KDM7A: variants seen among roughly 807,000 people sequenced by gnomAD.
KDM7A encodes lysine demethylase 7A, also known as lysine-specific demethylase 7A.
KDM7A carries 28 observed loss-of-function variants against 114.8 expected under a neutral mutation model. The observed-to-expected ratio is 0.24, with a 90% CI of 0.18 to 0.33. The LOEUF is 0.33. Among genes scored for constraint, KDM7A ranks in the 10% least tolerant of loss-of-function variants. The probability of loss-of-function intolerance (pLI) is 1.00; values close to 1 mark genes in which losing one functional copy is unlikely to be tolerated. For missense variants in KDM7A, 942 were observed against 1,142.5 expected (o/e 0.82, Z 2.53); for synonymous variants, 423 against 397.8 (o/e 1.06, Z -0.75).
rs1180013496 is a variant in KDM7A at position 140,127,583 on chromosome 7, C to T, written c.560G>A (p.Gly187Asp). The T allele has an allele frequency of 9.9e-6, 16 of 1,612,924 alleles. No homozygotes were observed. Among genetic ancestry groups the T allele is most frequent in the African/African-American group, 1.3e-5 (1 of 74,878 alleles). Residue 187 changes from glycine (G) to aspartate (D), a missense_variant and splice_region_variant, in exon 5 of 20, where the codon GGT becomes GAT. Physicochemically the swap from Gly to Asp is moderately conservative, Grantham distance 94 (BLOSUM62 -1). This residue lies in a region of KDM7A where 318 missense variants were observed against 453.1 expected (regional missense o/e 0.70). Transcript: ENST00000397560. ...AATGACATCTATCACTTTGTCACCA[C>T]CTGCAGAGAAAAATTACAGTCTTAT... ...FSVMDVERYV[G>D]GDKVIDVIDV... is the part of the protein sequence containing the mutation.
rs1817969056 is a variant in KDM7A at position 140,088,477 on chromosome 7, C to T, written c.*2617G>A. ...CTATCAGTGCTGTCTTCCTAAGTTG[C>T]TGTGTCTGTATGGTATAAATGAGGT... is the stretch of plus-strand genomic sequence containing the variant. On this transcript the variant is annotated 3_prime_UTR_variant, in exon 20 of 20. Coordinates refer to ENST00000397560, the MANE Select transcript of KDM7A (RefSeq NM_030647.2). 2.5e-6 allele frequency: 1 copy of T among 398,210 alleles called. No homozygotes were observed. Among genetic ancestry groups the T allele is most frequent in the Non-Finnish European group, 4.4e-6 (1 of 225,858 alleles). The allele number at this position is 398,210 out of a possible 1,614,324, so 24.7% of individuals were successfully genotyped here. A position where few individuals can be genotyped will look rare whatever the true frequency, so the allele number is the denominator to read the frequency against.
chr7:140,098,583 G>A (rs530747864), intron 14 of KDM7A, among the ~76,000 whole-genome samples: 12 of 152,254 alleles, frequency 7.9e-5, no homozygotes, highest in African/African-American at 2.6e-4. Context: ...TTGGGGAGTA[G>A]AGGCCTATAA....
intron 1 of KDM7A, among the ~76,000 whole-genome samples, chr7:140,147,181 C>T (rs1794348264): frequency 6.6e-6 from 1 of 151,914 alleles, no homozygotes; most frequent in East Asian, 1.9e-4. Flanking sequence ...TGACTTATGG[C>T]CTAACATTGT....
chr7:140,096,518 T>G, intron 17 of KDM7A, 37 bp downstream of exon 17: 1 of 1,486,500 alleles, frequency 6.7e-7, no homozygotes, highest in Non-Finnish European at 9.4e-7. Flanking sequence ...GGGCAACATA[T>G]GTTACTTTTT....
At chr7:140,133,943 GATACT>G (rs1354940670) in intron 2 of KDM7A, among the ~76,000 whole-genome samples, 2 of 152,128 alleles carry the variant, frequency 1.3e-5, no homozygotes, top group Non-Finnish European at 2.9e-5. Flanking sequence ...CACACTTATA[GATACT>G]ATACAATTTC....
intron 2 of KDM7A, among the ~76,000 whole-genome samples, chr7:140,138,083 T>C (rs1033893218): frequency 1.3e-5 from 2 of 152,088 alleles, no homozygotes; most frequent in Non-Finnish European, 2.9e-5. Flanking sequence ...TCACAGCACT[T>C]TTGGGAGTCT....
At chr7:140,119,568 G>GT (rs1329721248) in intron 8 of KDM7A, among the ~76,000 whole-genome samples, 2 of 152,160 alleles carry the variant, frequency 1.3e-5, no homozygotes, top group Non-Finnish European at 2.9e-5. Context: ...AGACAACAGT[G>GT]CAATACCCAC....
chr7:140,170,539 C>G (rs1378785521), intron 1 of KDM7A, among the ~76,000 whole-genome samples: 2 of 152,192 alleles, frequency 1.3e-5, no homozygotes, highest in African/African-American at 4.8e-5. Context: ...TCCAGCCTTT[C>G]CATCTTGGGA....
intron 1 of KDM7A, among the ~76,000 whole-genome samples, chr7:140,174,408 C>T (rs1377300268): frequency 6.6e-6 from 1 of 152,044 alleles, no homozygotes; most frequent in African/African-American, 2.4e-5. Flanking sequence ...CCTTGCTCTC[C>T]CTCCTTCCCG....
intron 1 of KDM7A, among the ~76,000 whole-genome samples, chr7:140,145,153 AT>A (rs1382611614): frequency 6.6e-6 from 1 of 152,254 alleles, no homozygotes; most frequent in Admixed American, 6.5e-5. Context: ...TATTTATGTG[AT>A]TTTTTTTCAA....
At chr7:140,155,803 T>C (rs914554221) in intron 1 of KDM7A, among the ~76,000 whole-genome samples, 1 of 152,218 alleles carries the variant, frequency 6.6e-6, no homozygotes, top group African/African-American at 2.4e-5. Flanking sequence ...CAAAATTATA[T>C]GCCAACTATT....
At chr7:140,102,272 T>C (rs1818243408) in intron 11 of KDM7A, 112 bp from the exon 12 acceptor site, 5 of 774,122 alleles carry the variant, frequency 6.5e-6, no homozygotes, top group South Asian at 3.5e-5. Context: ...AGTTTAACCA[T>C]ATAAACACAA....
intron 1 of KDM7A, among the ~76,000 whole-genome samples, chr7:140,149,118 G>T (rs1180457617): frequency 6.6e-6 from 1 of 152,148 alleles, no homozygotes; most frequent in Non-Finnish European, 1.5e-5. Flanking sequence ...GGTGAAGGGA[G>T]AAAGACAGTA....
At chr7:140,114,509 G>A (rs909154747) in intron 9 of KDM7A, among the ~76,000 whole-genome samples, 10 of 150,338 alleles carry the variant, frequency 6.7e-5, no homozygotes, top group East Asian at 1.9e-4. Context: ...GCGTGATCTC[G>A]GCTCGCTACA....
intron 11 of KDM7A, among the ~76,000 whole-genome samples, chr7:140,105,297 T>C (rs189528581): frequency 2.5e-3 from 382 of 152,336 alleles, no homozygotes; most frequent in African/African-American, 8.8e-3. Context: ...TCCTGCCTGA[T>C]TGCCCTGGCC....
At position 140,133,628 on chromosome 7, in the gene KDM7A, A is replaced by G. The variant is rs770825057; in HGVS notation, c.309T>C (p.His103=). The change falls in exon 3 of 20, where the codon CAT becomes CAC. Residue 103 remains histidine (H), a synonymous_variant. Coordinates refer to ENST00000397560, the MANE Select transcript of KDM7A (RefSeq NM_030647.2). ...LMKKRRNWHR[H]DYTEIDDGSK... Reference sequence around the variant, plus strand: ...AACCATCATCAATTTCTGTGTAGTCATGTCTGTGCCAGTTCCTCCTTTTTT... The same window carrying G: ...AACCATCATCAATTTCTGTGTAGTCGTGTCTGTGCCAGTTCCTCCTTTTTT... 120 of 1,608,700 alleles carry G rather than the reference A, an allele frequency of 7.5e-5. No individual in the cohort carries two copies. The highest frequency in any genetic ancestry group is 1.2e-4 in the Admixed American group (7 of 59,120).
Position 140,176,806 on chromosome 7 carries a change from C to G in KDM7A, c.132G>C (p.Gln44His). The G allele has an allele frequency of 7.1e-7, 1 of 1,415,298 alleles. No individual in the cohort carries two copies. The highest frequency in any genetic ancestry group is 9.4e-7 in the Non-Finnish European group (1 of 1,062,806). 87.7% of individuals were successfully genotyped at this position (1,415,298 alleles called of 1,614,324 possible). A position where few individuals can be genotyped will look rare whatever the true frequency, so the allele number is the denominator to read the frequency against. ...PPPPVYCVCR[Q>H]PYDVNRFMIE... ...TCATGAAGCGGTTCACGTCGTACGG[C>G]TGCCGGCACACACAGTACACGGGCG... Residue 44 changes from glutamine (Q) to histidine (H), a missense_variant, in exon 1 of 20, where the codon CAG becomes CAC. This residue lies in a region of KDM7A where 112 missense variants were observed against 96.2 expected (regional missense o/e 1.16). Transcript: ENST00000397560. The surrounding 1 kb of genome is among the most constrained non-coding windows in gnomAD (Gnocchi z 4.4).
Position 140,098,931 on chromosome 7 carries a change from CTCT to C in KDM7A, c.1863_1865del (p.Glu622del). 1 of 1,613,660 alleles carries C rather than the reference CTCT, an allele frequency of 6.2e-7. No individual in the cohort carries two copies. The highest frequency in any genetic ancestry group is 8.5e-7 in the Non-Finnish European group (1 of 1,179,688). ...GTTCCACTCCCTCTACTCCTGAACT[CTCT>C]TCTATCTTCATTTTTGCCTTTTTTG... On this transcript the variant is annotated inframe_deletion, in exon 14 of 20. Coordinates refer to ENST00000397560, the MANE Select transcript of KDM7A (RefSeq NM_030647.2).
chr7:140,156,093 G>C (rs942398296), intron 1 of KDM7A, among the ~76,000 whole-genome samples: 2 of 152,122 alleles, frequency 1.3e-5, no homozygotes, highest in African/African-American at 4.8e-5. Flanking sequence ...CTAGTGTTTT[G>C]AAAAAGAAGG....
Sources: allele counts gnomAD v4.1 joint callset (sites outside exome capture counted in the v4.1 genomes callset), GRCh38; gene constraint gnomAD v4.1.1; regional missense constraint gnomAD v4.1.1; non-coding constraint Gnocchi (gnomAD v3.1); transcripts MANE v1.5; gene names NCBI Gene and HGNC (gene_info 2026-07-23, HGNC 2026-07-21).